Variants in GOLT1B observed in about 807,000 individuals in gnomAD.
GOLT1B encodes the protein golgi transport 1B.
Under a neutral mutation model 15.4 loss-of-function variants are expected in GOLT1B, and 3 were observed. That is an observed-to-expected ratio of 0.19 (90% CI 0.09 to 0.50). GOLT1B has a LOEUF of 0.50. Among genes scored for constraint, GOLT1B ranks in the 20% least tolerant of loss-of-function variants. The probability of loss-of-function intolerance (pLI) is 0.97; values close to 1 mark genes in which losing one functional copy is unlikely to be tolerated. For synonymous variants in GOLT1B, 65 were observed against 56.2 expected (o/e 1.16, Z -0.70); for missense variants, 145 against 160.4 (o/e 0.90, Z 0.52).
chr12:21,515,604 T>C (rs1367105169), intron 4 of GOLT1B, 65 bp from the exon 5 acceptor site: 2 of 818,200 alleles, frequency 2.4e-6, no homozygotes, highest in Admixed American at 4.5e-5. Flanking sequence ...ACATTTTAAA[T>C]ATTGATATAA....
chr12:21,508,040 C>CGT (rs1322503341), intron 2 of GOLT1B: 1 of 436,114 alleles, frequency 2.3e-6, no homozygotes, highest in Non-Finnish European at 4.5e-6. Context: ...CTTGCCAACT[C>CGT]ATCTGCTTGA....
intron 1 of GOLT1B, among the ~76,000 whole-genome samples, chr12:21,502,595 T>C (rs1943641780): frequency 1.3e-5 from 2 of 152,202 alleles, no homozygotes; most frequent in South Asian, 4.1e-4. Context: ...GTTAGTATTG[T>C]ATATTGTGCT....
rs1325902228 is a variant in GOLT1B, at chr12:21,516,768, TC to T, written c.*1063del. The T allele has an allele frequency of 6.6e-6, 1 of 152,110 alleles. No homozygotes were observed. The highest frequency in any genetic ancestry group is 1.5e-5 in the Non-Finnish European group (1 of 67,946). The allele number at this position is 152,110 out of a possible 1,614,324, so 9.4% of individuals were successfully genotyped here. A position where few individuals can be genotyped will look rare whatever the true frequency, so the allele number is the denominator to read the frequency against. ...GAGTTTTCCCTTATTTTCAGCTTTT[TC>T]CTAGCATATAATAGTCATTAAGCAT... On this transcript the variant is annotated 3_prime_UTR_variant, in exon 5 of 5. Transcript: ENST00000229314.
chr12:21,513,549 G>GC (rs1227183622), intron 4 of GOLT1B, among the ~76,000 whole-genome samples: 1 of 151,936 alleles, frequency 6.6e-6, no homozygotes, highest in Non-Finnish European at 1.5e-5. Context: ...TTGGGCTCAA[G>GC]CAATGCCCCC....
At chr12:21,514,032 G>A (rs1943738959) in intron 4 of GOLT1B, among the ~76,000 whole-genome samples, 2 of 152,190 alleles carry the variant, frequency 1.3e-5, no homozygotes, top group Admixed American at 6.5e-5. Context: ...CCAGATGACT[G>A]TCTCTTAGCC....
intron 1 of GOLT1B, chr12:21,504,668 T>C (rs1427129505): frequency 2.1e-6 from 1 of 466,580 alleles, no homozygotes; most frequent in Non-Finnish European, 4.3e-6. Context: ...TACCTCTAGG[T>C]CCATGGTTGC....
chr12:21,512,322 T>C lies in GOLT1B; in HGVS notation c.324T>C (p.Phe108=), dbSNP rs372300868. Residue 108 remains phenylalanine, a synonymous_variant, in exon 4 of 5, where the codon TTT becomes TTC. Coordinates refer to ENST00000229314, the MANE Select transcript of GOLT1B (RefSeq NM_016072.5). ...FRGFFPVVVG[F]IRRVPVLGSL... ...GCTTCTTTCCTGTCGTTGTTGGCTTTATTAGAAGAGTGCCAGTCCTTGGAT... is the reference window on the plus strand; with the variant it reads ...GCTTCTTTCCTGTCGTTGTTGGCTTCATTAGAAGAGTGCCAGTCCTTGGAT... 5.0e-5 allele frequency: 79 copies of C among 1,576,982 alleles called. No homozygotes were observed. The highest frequency in any genetic ancestry group is 6.5e-5 in the Non-Finnish European group (75 of 1,146,646).
chr12:21,506,763 C>CAT (rs1471996013), intron 1 of GOLT1B, 122 bp from the exon 2 acceptor site: 5 of 498,592 alleles, frequency 1.0e-5, no homozygotes, highest in Non-Finnish European at 1.8e-5. Context: ...AGTTAACCTG[C>CAT]AATGTTGGGT....
intron 1 of GOLT1B, 77 bp downstream of exon 1, chr12:21,502,025 GT>G (rs1380541316): frequency 9.9e-7 from 1 of 1,008,426 alleles, no homozygotes; most frequent in Admixed American, 1.8e-5. Context: ...CTCCGCCGGG[GT>G]CAATGAATGA....
intron 2 of GOLT1B, among the ~76,000 whole-genome samples, chr12:21,507,528 GTA>G (rs1052255617): frequency 4.8e-5 from 7 of 146,000 alleles, no homozygotes; most frequent in Middle Eastern, 3.6e-3. Context: ...GTGTGTGTGT[GTA>G]TATATATATA....
At chr12:21,511,014 G>A (rs572865979) in intron 3 of GOLT1B, among the ~76,000 whole-genome samples, 1 of 152,286 alleles carries the variant, frequency 6.6e-6, no homozygotes, top group South Asian at 2.1e-4. Flanking sequence ...CAACAGCTGG[G>A]TGTCCTCCCA....
At chr12:21,508,213 C>T in intron 2 of GOLT1B, 170 bp from the exon 3 acceptor site, 1 of 582,104 alleles carries the variant, frequency 1.7e-6, no homozygotes, top group Non-Finnish European at 3.0e-6. Context: ...GCATAACCCA[C>T]TCCTTGGTTC....
intron 2 of GOLT1B, chr12:21,507,988 A>G: frequency 2.2e-6 from 1 of 452,210 alleles, no homozygotes; most frequent in South Asian, 1.6e-5. Context: ...CAAGAGGAAT[A>G]CCCTTGGGTG....
intron 3 of GOLT1B, among the ~76,000 whole-genome samples, chr12:21,508,875 C>CGGTACGTAGGTA (rs1555149879): frequency 1.9e-4 from 26 of 136,214 alleles, no homozygotes; most frequent in African/African-American, 5.8e-4. Flanking sequence ...ATCGATCAAT[C>CGGTACGTAGGTA]GGTAGGTAGG....
At chr12:21,511,256 T>G (rs1943717212) in intron 3 of GOLT1B, among the ~76,000 whole-genome samples, 1 of 152,162 alleles carries the variant, frequency 6.6e-6, no homozygotes, top group African/African-American at 2.4e-5. Flanking sequence ...TTTACTAGTT[T>G]ATTATAAAGG....
chr12:21,502,711 A>G (rs1421438681), intron 1 of GOLT1B, among the ~76,000 whole-genome samples: 1 of 152,004 alleles, frequency 6.6e-6, no homozygotes, highest in Non-Finnish European at 1.5e-5. Flanking sequence ...CTTTTCTTTC[A>G]TTATAATATT....
chr12:21,506,931 T>A lies in GOLT1B; in HGVS notation c.72T>A (p.Phe24Leu). The change falls in exon 2 of 5, where the codon TTT becomes TTA. Residue 24 changes from phenylalanine to leucine, a missense_variant. Transcript: ENST00000229314. Reference protein sequence around the residue: ...LTGFGVFFLFFGMILFFDKAL... With the variant: ...LTGFGVFFLFLGMILFFDKAL... ...GATTTGGAGTGTTTTTCCTGTTCTT[T>A]GGAATGATTCTCTTTTTTGACAAAG... is the stretch of plus-strand genomic sequence containing the variant. 6.6e-7 allele frequency: 1 copy of A among 1,519,518 alleles called. No homozygotes were observed. The highest frequency in any genetic ancestry group is 9.1e-7 in the Non-Finnish European group (1 of 1,096,360). The allele number at this position is 1,519,518 out of a possible 1,614,324, so 94.1% of individuals were successfully genotyped here.
At chr12:21,503,063 C>A (rs183510776) in intron 1 of GOLT1B, among the ~76,000 whole-genome samples, 1 of 152,352 alleles carries the variant, frequency 6.6e-6, no homozygotes, top group African/African-American at 2.4e-5. Flanking sequence ...TGAGGCTGGA[C>A]TGGGGCTGCC....
chr12:21,505,278 A>G (rs1214170360), intron 1 of GOLT1B, among the ~76,000 whole-genome samples: 2 of 152,212 alleles, frequency 1.3e-5, no homozygotes, highest in African/African-American at 2.4e-5. Context: ...TATTTGTGAA[A>G]TGATAGAAAT....
Sources: gnomAD v4.1 joint callset for allele counts (sites outside exome capture counted in the v4.1 genomes callset) on GRCh38, gnomAD v4.1.1 for gene constraint, MANE v1.5 for transcripts, NCBI Gene and HGNC (gene_info 2026-07-23, HGNC 2026-07-21) for gene names.